ARHGAP15: variants seen among roughly 807,000 people sequenced by gnomAD.
The protein encoded by ARHGAP15 is Rho GTPase activating protein 15.
A neutral mutation model predicts 63.7 loss-of-function variants in ARHGAP15; 51 were observed. The ratio of observed to expected loss-of-function variants is 0.80; its 90% CI spans 0.64 to 1.01. ARHGAP15 has a LOEUF of 1.01. Ranked by LOEUF, ARHGAP15 falls within the 50% of genes least tolerant of loss-of-function variation. ARHGAP15 has a pLI of 0.00. For synonymous variants in ARHGAP15, 191 were observed against 193.8 expected (o/e 0.99, Z 0.12); for missense variants, 560 against 564.6 (o/e 0.99, Z 0.08).
intron 12 of ARHGAP15, among the ~76,000 whole-genome samples, chr2:143,629,357 G>T (rs770393109): frequency 1.3e-5 from 2 of 152,066 alleles, no homozygotes. Flanking sequence ...ATCCAACTGG[G>T]TCACCTGCAG....
chr2:143,633,694 C>T (rs1030850813), intron 12 of ARHGAP15, among the ~76,000 whole-genome samples: 1 of 152,110 alleles, frequency 6.6e-6, no homozygotes, highest in Non-Finnish European at 1.5e-5. Flanking sequence ...TAACAAAACG[C>T]AAAATTTCTC....
At chr2:143,630,193 A>G (rs938599178) in intron 12 of ARHGAP15, among the ~76,000 whole-genome samples, 4 of 152,102 alleles carry the variant, frequency 2.6e-5, no homozygotes, top group Admixed American at 1.3e-4. Context: ...TGAGATTTCA[A>G]TGTTTAGTAC....
chr2:143,216,520 G>T (rs1692763945), intron 4 of ARHGAP15, 75 bp downstream of exon 4: 1 of 1,107,554 alleles, frequency 9.0e-7, no homozygotes, highest in Admixed American at 2.0e-5. Flanking sequence ...CACTGTTATT[G>T]TTTGGGATGC....
At chr2:143,335,588 G>A (rs1284063473) in intron 6 of ARHGAP15, among the ~76,000 whole-genome samples, 1 of 152,042 alleles carries the variant, frequency 6.6e-6, no homozygotes, top group East Asian at 1.9e-4. Flanking sequence ...AAACTTATTG[G>A]AACTCTTCTA....
At chr2:143,232,001 A>G (rs942461126) in intron 5 of ARHGAP15, among the ~76,000 whole-genome samples, 25 of 152,226 alleles carry the variant, frequency 1.6e-4, no homozygotes, top group African/African-American at 6.0e-4. Context: ...TAAGGTTTCA[A>G]CATAGGAATT....
intron 10 of ARHGAP15, among the ~76,000 whole-genome samples, chr2:143,540,182 G>A (rs370477165): frequency 8.6e-5 from 13 of 152,014 alleles, no homozygotes; most frequent in African/African-American, 1.2e-4. Flanking sequence ...AGTCTGTTTT[G>A]TCAGAGACTA....
chr2:143,559,400 T>A (rs1185275434), intron 11 of ARHGAP15, among the ~76,000 whole-genome samples: 1 of 152,132 alleles, frequency 6.6e-6, no homozygotes, highest in Non-Finnish European at 1.5e-5. Flanking sequence ...GAGGCCTGAG[T>A]TGGTATCTGG....
intron 2 of ARHGAP15, among the ~76,000 whole-genome samples, chr2:143,162,961 A>G (rs1240790805): frequency 4.6e-5 from 7 of 152,058 alleles, no homozygotes; most frequent in Admixed American, 2.0e-4. Flanking sequence ...TTTAATTTAC[A>G]TTTATTTATG....
chr2:143,640,161 C>A (rs1380857850), intron 12 of ARHGAP15, among the ~76,000 whole-genome samples: 1 of 152,030 alleles, frequency 6.6e-6, no homozygotes, highest in African/African-American at 2.4e-5. Flanking sequence ...ACATTTCTTA[C>A]TGATCTTTGT....
chr2:143,742,210 G>A (rs1028569637), intron 13 of ARHGAP15, among the ~76,000 whole-genome samples: 3 of 152,188 alleles, frequency 2.0e-5, no homozygotes, highest in Non-Finnish European at 2.9e-5. Flanking sequence ...AAGCTAGGAA[G>A]GTAGACAACA....
intron 2 of ARHGAP15, among the ~76,000 whole-genome samples, chr2:143,187,717 T>A (rs925462142): frequency 1.3e-5 from 2 of 152,224 alleles, no homozygotes; most frequent in Non-Finnish European, 2.9e-5. Flanking sequence ...ATCATACTTA[T>A]AATTCTTTTT....
At chr2:143,136,294 CT>C (rs369639018) in intron 1 of ARHGAP15, among the ~76,000 whole-genome samples, 38 of 148,844 alleles carry the variant, frequency 2.6e-4, no homozygotes, top group Middle Eastern at 3.4e-3. Flanking sequence ...GGTGTTATAT[CT>C]TTTTTTTTTC....
At chr2:143,617,722 T>C (rs6738179) in intron 11 of ARHGAP15, among the ~76,000 whole-genome samples, 8,802 of 152,234 alleles carry the variant, frequency 0.058, 848 homozygotes, top group African/African-American at 0.2. Context: ...TTTTGGGTGA[T>C]ATATTTGTTA....
chr2:143,328,046 A>C (rs1684338409), intron 6 of ARHGAP15, among the ~76,000 whole-genome samples: 1 of 152,228 alleles, frequency 6.6e-6, no homozygotes, highest in African/African-American at 2.4e-5. Flanking sequence ...CCACAATGAG[A>C]TACCATCTCA....
At chr2:143,707,870 AAG>A (rs1339630744) in intron 13 of ARHGAP15, among the ~76,000 whole-genome samples, 2 of 152,218 alleles carry the variant, frequency 1.3e-5, no homozygotes, top group East Asian at 3.8e-4. Flanking sequence ...TGCATATTCA[AAG>A]AGAGCATAAT....
At chr2:143,596,735 T>G (rs896554836) in intron 11 of ARHGAP15, among the ~76,000 whole-genome samples, 1 of 152,134 alleles carries the variant, frequency 6.6e-6, no homozygotes, top group Admixed American at 6.6e-5. Flanking sequence ...ATGTTAATCT[T>G]TACAAATAAT....
At chr2:143,663,308 C>A (rs1440300196) in intron 12 of ARHGAP15, among the ~76,000 whole-genome samples, 2 of 151,498 alleles carry the variant, frequency 1.3e-5, no homozygotes, top group East Asian at 1.9e-4. Context: ...TCATACCCAG[C>A]CAAACTAAGC....
At chr2:143,141,032 T>G (rs561863327) in intron 1 of ARHGAP15, among the ~76,000 whole-genome samples, 1 of 152,224 alleles carries the variant, frequency 6.6e-6, no homozygotes, top group Admixed American at 6.5e-5. Context: ...ATGGCAGATG[T>G]GTAGAGCATA....
chr2:143,586,985 C>A (rs953053226), intron 11 of ARHGAP15, among the ~76,000 whole-genome samples: 4 of 152,056 alleles, frequency 2.6e-5, no homozygotes, highest in African/African-American at 9.7e-5. Context: ...CTAGAAATTT[C>A]TGTTTCCTCT....
Sources: gnomAD v4.1 joint callset for allele counts (sites outside exome capture counted in the v4.1 genomes callset) on GRCh38, gnomAD v4.1.1 for gene constraint, MANE v1.5 for transcripts, NCBI Gene and HGNC (gene_info 2026-07-23, HGNC 2026-07-21) for gene names.